Variants in CCDC171 observed in about 807,000 individuals in gnomAD.
The protein encoded by CCDC171 is coiled-coil domain-containing protein 171.
In CCDC171, 177 loss-of-function variants were observed where a neutral mutation model predicts 168.2. The observed-to-expected ratio is 1.05, with a 90% confidence interval of 0.93 to 1.19. CCDC171 has a LOEUF of 1.19. CCDC171 is among the 50% of genes most tolerant of loss of function. CCDC171 has a pLI of 0.00. For missense variants in CCDC171, 1,991 were observed against 1,539.0 expected (o/e 1.29, Z -4.91); for synonymous variants, 687 against 540.8 (o/e 1.27, Z -3.75).
intron 7 of CCDC171, among the ~76,000 whole-genome samples, chr9:15,634,621 C>T (rs1483831247): frequency 6.6e-6 from 1 of 152,088 alleles, no homozygotes; most frequent in Non-Finnish European, 1.5e-5. Flanking sequence ...TAACTTCTTA[C>T]AGCGATGAGT....
At chr9:15,712,043 G>A (rs1232325902) in intron 11 of CCDC171, among the ~76,000 whole-genome samples, 4 of 152,206 alleles carry the variant, frequency 2.6e-5, no homozygotes, top group Non-Finnish European at 5.9e-5. Context: ...GATGATGTAA[G>A]CTCTGGCAGG....
intron 6 of CCDC171, among the ~76,000 whole-genome samples, chr9:15,605,997 T>C (rs2043200362): frequency 6.6e-6 from 1 of 152,206 alleles, no homozygotes; most frequent in African/African-American, 2.4e-5. Context: ...TATGCTGTGT[T>C]TTTTTCTATA....
At chr9:15,964,777 T>C (rs1421807002) in intron 25 of CCDC171, among the ~76,000 whole-genome samples, 1 of 152,204 alleles carries the variant, frequency 6.6e-6, no homozygotes, top group African/African-American at 2.4e-5. Flanking sequence ...AATTATTTTT[T>C]GAGACAGAGT....
Position 15,588,952 on chromosome 9 carries a change from C to T in CCDC171, c.353-2414C>T, listed in dbSNP as rs13293144. 3.5e-3 allele frequency among the ~76,000 whole-genome samples: 537 copies of T among 151,936 alleles called. 1 individual carries two copies. The highest frequency in any genetic ancestry group is 5.8e-3 in the Non-Finnish European group (393 of 67,924). ...GTCTCGATGTCCTGACCTTGTGATC[C>T]GCCTGCCTCGGCCTCCCAAAGGGCT... is the stretch of plus-strand genomic sequence containing the variant. On this transcript the variant is annotated intron_variant, in intron 4 of 25. Transcript: ENST00000380701.
At chr9:15,643,226 T>C (rs1409376227) in intron 7 of CCDC171, among the ~76,000 whole-genome samples, 1 of 152,158 alleles carries the variant, frequency 6.6e-6, no homozygotes, top group African/African-American at 2.4e-5. Flanking sequence ...GCTAGACTTT[T>C]TTTTGACTTA....
intron 16 of CCDC171, among the ~76,000 whole-genome samples, chr9:15,740,367 G>C (rs1308770718): frequency 6.9e-6 from 1 of 145,080 alleles, no homozygotes; most frequent in African/African-American, 2.6e-5. Context: ...GTTTCTAGCT[G>C]TTCTGTTCCA....
intron 21 of CCDC171, among the ~76,000 whole-genome samples, chr9:15,845,090 T>TTGCTTGAAAGATGTCAGAAA (rs1373418629): frequency 1.3e-5 from 2 of 152,118 alleles, no homozygotes; most frequent in Non-Finnish European, 2.9e-5. Flanking sequence ...GATTTTTTTG[T>TTGCTTGAAAGATGTCAGAAA]TGCTTGAAAG....
At chr9:15,649,131 A>G (rs556653637) in intron 7 of CCDC171, among the ~76,000 whole-genome samples, 1 of 152,338 alleles carries the variant, frequency 6.6e-6, no homozygotes, top group Admixed American at 6.5e-5. Flanking sequence ...AAACCTGACA[A>G]AAACAGGAAA....
At chr9:15,764,807 G>A (rs576687909) in intron 18 of CCDC171, among the ~76,000 whole-genome samples, 1 of 152,288 alleles carries the variant, frequency 6.6e-6, no homozygotes, top group African/African-American at 2.4e-5. Context: ...TTGTACATTA[G>A]AATTACCTGT....
intron 21 of CCDC171, among the ~76,000 whole-genome samples, chr9:15,830,987 T>TG (rs2060206314): frequency 6.8e-6 from 1 of 148,044 alleles, no homozygotes. Flanking sequence ...TTTTTTTTTT[T>TG]GAGATGGATT....
At chr9:16,075,021 A>G in the CCDC171 span, among the ~76,000 whole-genome samples, 1 of 152,142 alleles carries the variant, frequency 6.6e-6, no homozygotes, top group Admixed American at 6.5e-5. Flanking sequence ...CTGAGTCTGT[A>G]TTGTGAGGTG....
intron 21 of CCDC171, among the ~76,000 whole-genome samples, chr9:15,789,567 A>T (rs968218514): frequency 6.6e-6 from 1 of 152,232 alleles, no homozygotes; most frequent in African/African-American, 2.4e-5. Flanking sequence ...AGTAAGATCA[A>T]CGAAGTAACT....
intron 10 of CCDC171, 52 bp downstream of exon 10, chr9:15,678,948 G>C (rs970460796): frequency 7.4e-7 from 1 of 1,344,460 alleles, no homozygotes; most frequent in African/African-American, 1.5e-5. Context: ...GGTCATATTG[G>C]ATGTATAGCA....
At chr9:16,038,796 T>C (rs900453449), upstream of CCDC171, among the ~76,000 whole-genome samples, 1 of 128,168 alleles carries the variant, frequency 7.8e-6, no homozygotes, top group Non-Finnish European at 1.6e-5. Context: ...TATGTGGTTT[T>C]ATAAGAGAAA....
chr9:15,739,266 C>T (rs1159113862), intron 16 of CCDC171, among the ~76,000 whole-genome samples: 7 of 152,096 alleles, frequency 4.6e-5, no homozygotes, highest in African/African-American at 1.7e-4. Flanking sequence ...GCCGGGTGTT[C>T]TACAGAACAT....
intron 10 of CCDC171, among the ~76,000 whole-genome samples, chr9:15,684,463 A>G (rs1434547187): frequency 1.3e-5 from 2 of 151,936 alleles, no homozygotes; most frequent in African/African-American, 2.4e-5. Flanking sequence ...AACTTTTTCC[A>G]TAGCAGATCA....
intron 1 of CCDC171, among the ~76,000 whole-genome samples, chr9:15,558,060 A>G (rs2038959709): frequency 6.6e-6 from 1 of 152,152 alleles, no homozygotes. Context: ...GCGTATGTTG[A>G]ACCAGCCTTC....
intron 7 of CCDC171, among the ~76,000 whole-genome samples, chr9:15,629,161 A>G (rs1360383052): frequency 1.3e-5 from 2 of 152,292 alleles, no homozygotes; most frequent in East Asian, 1.9e-4. Context: ...CTCACCAGCA[A>G]CGGAACAAAG....
chr9:15,651,950 G>A (rs1391427540), intron 7 of CCDC171, among the ~76,000 whole-genome samples: 1 of 151,934 alleles, frequency 6.6e-6, no homozygotes, highest in African/African-American at 2.4e-5. Flanking sequence ...CTGTATTGCT[G>A]AGGCTGGAGT....
Sources: allele counts gnomAD v4.1 joint callset (sites outside exome capture counted in the v4.1 genomes callset), GRCh38; gene constraint gnomAD v4.1.1; transcripts MANE v1.5; gene names NCBI Gene and HGNC (gene_info 2026-07-23, HGNC 2026-07-21).